SMC6: variants seen among roughly 807,000 people sequenced by gnomAD.
SMC6 encodes the protein structural maintenance of chromosomes protein 6.
In SMC6, 79 loss-of-function variants were observed where a neutral mutation model predicts 142.2. The ratio of observed to expected loss-of-function variants is 0.56; its 90% CI spans 0.46 to 0.67. The LOEUF is 0.67. Ranked by LOEUF, SMC6 falls within the 30% of genes least tolerant of loss-of-function variation. The pLI, the probability that SMC6 is intolerant of heterozygous loss-of-function variation, is 0.00. For missense variants in SMC6, 1,072 were observed against 1,284.0 expected (o/e 0.83, Z 2.52); for synonymous variants, 411 against 412.4 (o/e 1.00, Z 0.04).
chr2:17,719,825 T>C (rs1669281473), intron 11 of SMC6, among the ~76,000 whole-genome samples: 1 of 152,148 alleles, frequency 6.6e-6, no homozygotes, highest in Admixed American at 6.5e-5. Flanking sequence ...TACTCATATA[T>C]TACCTCTGAT....
intron 26 of SMC6, among the ~76,000 whole-genome samples, chr2:17,669,416 A>T (rs1019532657): frequency 3.9e-5 from 6 of 152,158 alleles, no homozygotes; most frequent in African/African-American, 1.2e-4. Flanking sequence ...GGGGACTGTG[A>T]TATGTGTATA....
intron 26 of SMC6, among the ~76,000 whole-genome samples, chr2:17,669,031 C>A (rs947658311): frequency 6.6e-6 from 1 of 151,702 alleles, no homozygotes; most frequent in Non-Finnish European, 1.5e-5. Context: ...AGGTATGAGG[C>A]GAAGATAAGG....
intron 16 of SMC6, among the ~76,000 whole-genome samples, chr2:17,714,261 A>AT (rs1216356152): frequency 6.6e-6 from 1 of 151,584 alleles, no homozygotes. Context: ...AAGCCTGGCT[A>AT]TTTTTTTGTA....
At chr2:17,747,033 T>C (rs927535638) in intron 2 of SMC6, among the ~76,000 whole-genome samples, 3 of 152,122 alleles carry the variant, frequency 2.0e-5, no homozygotes, top group Non-Finnish European at 2.9e-5. Context: ...CTAGTGAGGC[T>C]ACAAGGTGGC....
At chr2:17,735,976 C>G (rs962065416) in intron 5 of SMC6, among the ~76,000 whole-genome samples, 2 of 152,156 alleles carry the variant, frequency 1.3e-5, no homozygotes, top group Admixed American at 6.5e-5. Context: ...ACACTGACAA[C>G]CATTCTTCAG....
rs751737089 is a variant in SMC6 at position 17,716,872 on chromosome 2, T to A, written c.1215A>T (p.Glu405Asp). Reference sequence around the variant, plus strand: ...TTAACCAAGATATTTTTTTTTGTCTTTCCAACCGTTCAGGTTCCAAAGATT... The same window carrying A: ...TTAACCAAGATATTTTTTTTTGTCTATCCAACCGTTCAGGTTCCAAAGATT... ...TDQSLEPERL[E>D]RQKKISWLKE... Residue 405 changes from glutamate (E) to aspartate (D), a missense_variant, in exon 14 of 28, where the codon GAA (glutamate) becomes GAT (aspartate). By Grantham distance (45) the Glu-to-Asp change is conservative (BLOSUM62 2). Transcript: ENST00000448223. 1 of 1,611,156 alleles carries A rather than the reference T, an allele frequency of 6.2e-7. No homozygotes were observed. Among genetic ancestry groups the A allele is most frequent in the Non-Finnish European group, 8.5e-7 (1 of 1,179,280 alleles).
intron 12 of SMC6, 127 bp from the exon 13 acceptor site, chr2:17,717,303 G>A: frequency 1.7e-6 from 1 of 573,030 alleles, no homozygotes; most frequent in South Asian, 2.8e-5. Flanking sequence ...AGCACAAAAT[G>A]GCCATTTGAA....
At chr2:17,731,597 CGTGTGTGT>C in intron 6 of SMC6, 136 bp downstream of exon 6, 2 of 696,638 alleles carry the variant, frequency 2.9e-6, no homozygotes, top group East Asian at 2.7e-5. Flanking sequence ...AACATATGCA[CGTGTGTGT>C]GTGTGTGTGT....
At chr2:17,674,567 T>A (rs1666918770) in intron 25 of SMC6, among the ~76,000 whole-genome samples, 2 of 152,202 alleles carry the variant, frequency 1.3e-5, no homozygotes, top group Admixed American at 1.3e-4. Context: ...GGTTGTGTAA[T>A]TTAAATCTTA....
At chr2:17,686,656 C>T (rs1667469789) in intron 23 of SMC6, among the ~76,000 whole-genome samples, 3 of 152,120 alleles carry the variant, frequency 2.0e-5, no homozygotes, top group Non-Finnish European at 2.9e-5. Context: ...GAAAAGAGAC[C>T]TTCCTAGCCC....
At chr2:17,732,698 C>CA (rs58290910) in intron 5 of SMC6, among the ~76,000 whole-genome samples, 94 of 137,254 alleles carry the variant, frequency 6.8e-4, no homozygotes, top group East Asian at 6.2e-3. Context: ...GACTCGGTCT[C>CA]AAAAAAAAAA....
intron 19 of SMC6, among the ~76,000 whole-genome samples, chr2:17,702,799 G>A (rs565237005): frequency 3.9e-5 from 6 of 151,934 alleles, no homozygotes; most frequent in Non-Finnish European, 8.8e-5. Flanking sequence ...CTGCCGCCAC[G>A]TAAGATGTGC....
At chr2:17,715,560 G>A (rs1669042708) in intron 15 of SMC6, among the ~76,000 whole-genome samples, 1 of 151,754 alleles carries the variant, frequency 6.6e-6, no homozygotes, top group African/African-American at 2.4e-5. Flanking sequence ...ATATTTATAA[G>A]CATTTTCACC....
intron 5 of SMC6, among the ~76,000 whole-genome samples, chr2:17,737,278 T>C (rs1489713015): frequency 6.6e-6 from 1 of 152,172 alleles, no homozygotes; most frequent in Admixed American, 6.5e-5. Flanking sequence ...AGTAATAAAA[T>C]AGAAGGTAAA....
chr2:17,669,476 A>G (rs1666656955), intron 26 of SMC6, among the ~76,000 whole-genome samples: 1 of 152,190 alleles, frequency 6.6e-6, no homozygotes, highest in Admixed American at 6.5e-5. Flanking sequence ...ACAACACTAT[A>G]ACAAGCAAAC....
At chr2:17,736,274 T>C (rs1002929493) in intron 5 of SMC6, among the ~76,000 whole-genome samples, 7 of 152,156 alleles carry the variant, frequency 4.6e-5, no homozygotes, top group South Asian at 2.1e-4. Flanking sequence ...CCCAATTTTG[T>C]ACTGGAAAAG....
chr2:17,711,488 C>T (rs1476198377), intron 16 of SMC6, among the ~76,000 whole-genome samples: 1 of 151,842 alleles, frequency 6.6e-6, no homozygotes, highest in African/African-American at 2.4e-5. Flanking sequence ...AGCGGAGTTA[C>T]AGGACAAAAT....
rs910475622 is a variant in SMC6, at chr2:17,708,581, C to A, written c.1845+58G>T. ...GGGGAATAGGAATTTATATAATTAT[C>A]TTCAGTTTTAAAAATTTAACAATAA... On this transcript the variant is annotated intron_variant, in intron 17 of 27. Coordinates refer to ENST00000448223, the MANE Select transcript of SMC6 (RefSeq NM_001142286.2). 4 of 843,894 alleles carry A rather than the reference C, an allele frequency of 4.7e-6. No homozygotes were observed. In the African/African-American group the frequency reaches 7.1e-5, roughly 15 times the overall value. 52.3% of individuals were successfully genotyped at this position (843,894 alleles called of 1,614,324 possible).
chr2:17,707,326 A>T lies in SMC6; in HGVS notation c.1899T>A (p.Cys633Ter). Reference sequence around the variant, plus strand: ...CACCATCAGCAGTAAAAGCTTCTCTACAATTTTTGGGTGGCTTTTGGGACT... The same window carrying T: ...CACCATCAGCAGTAAAAGCTTCTCTTCAATTTTTGGGTGGCTTTTGGGACT... The part of the protein sequence containing the change: ...VMQSQKPPKN[C>*]REAFTADGDQ... The change falls in exon 18 of 28, where the codon TGT becomes TGA. Residue 633 changes from cysteine to a stop codon, truncating the protein, a stop_gained. Transcript: ENST00000448223. LOFTEE classifies it high-confidence loss of function. The T allele has an allele frequency of 6.2e-7, 1 of 1,603,826 alleles. No homozygotes were observed. Among genetic ancestry groups the T allele is most frequent in the Non-Finnish European group, 8.5e-7 (1 of 1,175,560 alleles).
Sources: allele counts gnomAD v4.1 joint callset (sites outside exome capture counted in the v4.1 genomes callset), GRCh38; gene constraint gnomAD v4.1.1; transcripts MANE v1.5; gene names NCBI Gene and HGNC (gene_info 2026-07-23, HGNC 2026-07-21).